The following DNAAF9 variants were observed in gnomAD, a reference collection of about 807,000 sequenced individuals.
The protein encoded by DNAAF9 is dynein axonemal assembly factor 9.
DNAAF9 carries 90 observed loss-of-function variants against 167.0 expected under a neutral mutation model. The ratio of observed to expected loss-of-function variants is 0.54; its 90% confidence interval spans 0.45 to 0.64. DNAAF9 has a LOEUF of 0.64. Ranked by LOEUF, DNAAF9 falls within the 30% of genes least tolerant of loss-of-function variation. The pLI, the probability that DNAAF9 is intolerant of heterozygous loss-of-function variation, is 0.00. For missense variants in DNAAF9, 1,315 were observed against 1,442.2 expected (o/e 0.91, Z 1.43); for synonymous variants, 491 against 508.8 (o/e 0.96, Z 0.47).
intron 25 of DNAAF9, among the ~76,000 whole-genome samples, chr20:3,293,079 C>CAAA (rs202046735): frequency 7.5e-6 from 1 of 133,240 alleles, no homozygotes; most frequent in African/African-American, 2.7e-5. Context: ...GAGCAAGACT[C>CAAA]AAAAAAAAAA....
At chr20:3,317,374 A>C (rs1457974397) in intron 17 of DNAAF9, among the ~76,000 whole-genome samples, 4 of 151,166 alleles carry the variant, frequency 2.6e-5, no homozygotes, top group South Asian at 2.1e-4. Context: ...AAAAAAAAAA[A>C]AAAAAAACCC....
In DNAAF9 at chr20:3,251,594, G is replaced by A. The variant is rs2068195825; in HGVS notation, c.*978C>T. 6.6e-6 allele frequency: 1 copy of A among 152,246 alleles called. No individual in the cohort carries two copies. Among genetic ancestry groups the A allele is most frequent in the Admixed American group, 6.5e-5 (1 of 15,274 alleles). The allele number at this position is 152,246 out of a possible 1,614,324, so 9.4% of individuals were successfully genotyped here. ...TTCCCAATCCTCAGGAGCCACACAA[G>A]CCCAGGGCCAGCAACAACACTTTGG... is the stretch of plus-strand genomic sequence containing the variant. On this transcript the variant is annotated 3_prime_UTR_variant, in exon 37 of 37. Coordinates refer to ENST00000252032, the MANE Select transcript of DNAAF9 (RefSeq NM_001009984.3).
Position 3,262,568 on chromosome 20 carries a change from G to A in DNAAF9, c.2873+1870C>T, listed in dbSNP as rs115477763. The stretch of plus-strand genomic sequence containing the variant: ...CCGGCCAGATTCACAGTCTTCTAAT[G>A]GGCCCCTCTTACCCTACTCTCTCCT... On this transcript the variant is annotated intron_variant, in intron 31 of 36. Coordinates refer to ENST00000252032, the MANE Select transcript of DNAAF9 (RefSeq NM_001009984.3). 9.0e-3 allele frequency among the ~76,000 whole-genome samples: 1,370 copies of A among 152,102 alleles called. 21 individuals are homozygous for A. The highest frequency in any genetic ancestry group is 0.032 in the African/African-American group (1,316 of 41,494).
chr20:3,281,587 G>A (rs1568575467), intron 28 of DNAAF9, 54 bp downstream of exon 28: 1 of 1,514,090 alleles, frequency 6.6e-7, no homozygotes, highest in South Asian at 1.3e-5. Flanking sequence ...TCTTCTTCTG[G>A]TGGGTGGAAA....
In DNAAF9 at chr20:3,349,858, A is replaced by G. The variant is rs193273502; in HGVS notation, c.691-1235T>C. On this transcript the variant is annotated intron_variant, in intron 7 of 36. Coordinates refer to ENST00000252032, the MANE Select transcript of DNAAF9 (RefSeq NM_001009984.3). ...TGCTAATAATTTGTACTCAAATTGGACAGTCATCTTCCCTGTCCATTTTAC... is the reference window on the plus strand; with the variant it reads ...TGCTAATAATTTGTACTCAAATTGGGCAGTCATCTTCCCTGTCCATTTTAC... Among the ~76,000 whole-genome samples the G allele has an allele frequency of 5.8e-4, 89 of 152,238 alleles. 1 individual carries two copies. The East Asian group carries it at 0.017, about 29-fold the overall frequency.
intron 30 of DNAAF9, among the ~76,000 whole-genome samples, chr20:3,268,496 G>T (rs6051700): frequency 0.57 from 86,777 of 151,824 alleles, 24,862 homozygotes; most frequent in Admixed American, 0.6. Flanking sequence ...GCCCAGCTAA[G>T]TTTTGTATTT....
At chr20:3,374,590 C>CA (rs2123223424) in intron 5 of DNAAF9, among the ~76,000 whole-genome samples, 1 of 152,270 alleles carries the variant, frequency 6.6e-6, no homozygotes, top group South Asian at 2.1e-4. Flanking sequence ...CTTCAATGTG[C>CA]AAGGTTTTTT....
intron 30 of DNAAF9, among the ~76,000 whole-genome samples, chr20:3,267,680 GA>G (rs1384946182): frequency 1.3e-5 from 2 of 151,978 alleles, no homozygotes; most frequent in Non-Finnish European, 2.9e-5. Context: ...ACTAAAAATA[GA>G]AAAATTAGTC....
At chr20:3,375,869 G>A (rs2083568456) in intron 4 of DNAAF9, among the ~76,000 whole-genome samples, 1 of 151,896 alleles carries the variant, frequency 6.6e-6, no homozygotes, top group Non-Finnish European at 1.5e-5. Context: ...AAAATCCCAG[G>A]GCAGTCCCTA....
intron 1 of DNAAF9, among the ~76,000 whole-genome samples, chr20:3,396,371 A>T (rs2083907011): frequency 6.6e-6 from 1 of 152,180 alleles, no homozygotes; most frequent in African/African-American, 2.4e-5. Flanking sequence ...CAACTCATTA[A>T]TTCATCAACT....
intron 6 of DNAAF9, among the ~76,000 whole-genome samples, chr20:3,360,659 T>C (rs2083350083): frequency 6.6e-6 from 1 of 152,086 alleles, no homozygotes; most frequent in African/African-American, 2.4e-5. Flanking sequence ...CTGCTGAGGA[T>C]CTTGAGAAGC....
At chr20:3,321,820 A>G (rs1347160269) in intron 16 of DNAAF9, among the ~76,000 whole-genome samples, 9 of 152,182 alleles carry the variant, frequency 5.9e-5, no homozygotes, top group Non-Finnish European at 1.0e-4. Context: ...AAGGACATCA[A>G]TGCAAGTCTT....
chr20:3,268,896 A>ATTTTTT (rs1649924645), intron 30 of DNAAF9, among the ~76,000 whole-genome samples: 2 of 80,832 alleles, frequency 2.5e-5, no homozygotes, highest in Non-Finnish European at 2.5e-5. Flanking sequence ...TCTCTATGTT[A>ATTTTTT]CTTTTTTTTT....
At chr20:3,258,993 T>G (rs955324311) in intron 33 of DNAAF9, among the ~76,000 whole-genome samples, 1 of 152,238 alleles carries the variant, frequency 6.6e-6, no homozygotes, top group African/African-American at 2.4e-5. Flanking sequence ...AGGCCTTCTC[T>G]GATGCCCACT....
At chr20:3,362,325 C>G in intron 6 of DNAAF9, 1 of 802,282 alleles carries the variant, frequency 1.2e-6, no homozygotes, top group Non-Finnish European at 2.1e-6. Flanking sequence ...TGGCTGCCAT[C>G]TTGCACTGCT....
At chr20:3,366,510 C>T (rs186031387) in intron 6 of DNAAF9, among the ~76,000 whole-genome samples, 1 of 152,244 alleles carries the variant, frequency 6.6e-6, no homozygotes, top group Non-Finnish European at 1.5e-5. Context: ...CCCTAAGGGC[C>T]CTAGGATTTC....
In DNAAF9 at chr20:3,304,878, T is replaced by A. The variant is rs190819906; in HGVS notation, c.1679-335A>T. Among the ~76,000 whole-genome samples, 13 of 152,348 alleles carry A rather than the reference T, an allele frequency of 8.5e-5. No individual in the cohort carries two copies. In the East Asian group the frequency reaches 2.1e-3, roughly 25 times the overall value. ...ACTTTGGGTATATCTGCTCCATTAC[T>A]GAGTTTACAGATTTTCCTTTCTTCT... On this transcript the variant is annotated intron_variant, in intron 20 of 36. Coordinates refer to ENST00000252032, the MANE Select transcript of DNAAF9 (RefSeq NM_001009984.3).
rs1568637072 is a variant in DNAAF9, at chr20:3,376,293, A to G, written c.293T>C (p.Ile98Thr). ...ATGGACGCTATCCGATTTAATCAAT[A>G]TAATTACATCTGTAAGAAAAACAAA... ...FSEEVLDDVIILIKSDSVHLY... is the reference protein window; with the variant it reads ...FSEEVLDDVITLIKSDSVHLY... The change falls in exon 4 of 37, where the codon ATA becomes ACA. Residue 98 changes from isoleucine (I) to threonine (T), a missense_variant. Physicochemically the swap from Ile to Thr is moderately conservative, Grantham distance 89. This residue lies in a region of DNAAF9 where 981 missense variants were observed against 1,012.5 expected (regional missense o/e 0.97). Transcript: ENST00000252032. 1.1e-5 allele frequency: 18 copies of G among 1,606,800 alleles called. No individual in the cohort carries two copies. Among genetic ancestry groups the G allele is most frequent in the Middle Eastern group, 1.7e-4 (1 of 6,044 alleles).
rs114630223 is a variant in DNAAF9, at chr20:3,400,629, C to T, written c.83+6846G>A. Among the ~76,000 whole-genome samples the T allele has an allele frequency of 4.4e-3, 671 of 152,170 alleles. 3 individuals are homozygous for T. Among genetic ancestry groups the T allele is most frequent in the Middle Eastern group, 0.02 (6 of 294 alleles). On this transcript the variant is annotated intron_variant, in intron 1 of 36. Transcript: ENST00000252032. The stretch of plus-strand genomic sequence containing the variant: ...TATCCAAGTTGCAAACCCTGCTTTG[C>T]TTTTCTTTCTTTTTTAAAAATTTTA...
Sources: allele counts gnomAD v4.1 joint callset (sites outside exome capture counted in the v4.1 genomes callset), GRCh38; gene constraint gnomAD v4.1.1; regional missense constraint gnomAD v4.1.1; transcripts MANE v1.5; gene names NCBI Gene and HGNC (gene_info 2026-07-23, HGNC 2026-07-21).